TRDN: variants seen among roughly 807,000 people sequenced by gnomAD.
The protein encoded by TRDN is triadin.
A neutral mutation model predicts 149.7 loss-of-function variants in TRDN; 161 were observed. The observed-to-expected ratio is 1.08, with a 90% CI of 0.95 to 1.23. The LOEUF is 1.23. Among genes scored for constraint, TRDN ranks in the 50% most tolerant of loss-of-function variants. The pLI, the probability that TRDN is intolerant of heterozygous loss-of-function variation, is 0.00. For missense variants in TRDN, 896 were observed against 823.5 expected (o/e 1.09, Z -1.08); for synonymous variants, 294 against 250.5 (o/e 1.17, Z -1.64).
chr6:123,423,110 ATGT>A (rs1159905800), intron 12 of TRDN, among the ~76,000 whole-genome samples: 11 of 152,186 alleles, frequency 7.2e-5, no homozygotes, highest in African/African-American at 2.4e-4. Context: ...AGGAATAAAC[ATGT>A]TGTTAATTTT....
intron 10 of TRDN, among the ~76,000 whole-genome samples, chr6:123,461,542 T>C (rs1776447922): frequency 6.6e-6 from 1 of 152,140 alleles, no homozygotes; most frequent in South Asian, 2.1e-4. Context: ...AATAATTACA[T>C]GTGGGTGAAA....
At chr6:123,354,441 T>G (rs947067405) in intron 20 of TRDN, among the ~76,000 whole-genome samples, 18 of 151,844 alleles carry the variant, frequency 1.2e-4, no homozygotes, top group Admixed American at 2.0e-4. Context: ...ATCATCTCAC[T>G]TTCACAGGCA....
chr6:123,430,409 C>T (rs1042639418), intron 12 of TRDN, among the ~76,000 whole-genome samples: 5 of 150,238 alleles, frequency 3.3e-5, no homozygotes, highest in East Asian at 2.0e-4. Flanking sequence ...GGTGAAACCC[C>T]GTCTCTACTA....
rs1051430339 is a variant in TRDN, at chr6:123,282,604, G to T, written c.1511-3522C>A. Among the ~76,000 whole-genome samples, 4 of 151,870 alleles carry T rather than the reference G, an allele frequency of 2.6e-5. No homozygotes were observed. In the East Asian group the frequency reaches 5.8e-4, roughly 22 times the overall value. ...TGCGCTAAAGCCTATATATTATGTG[G>T]TTTAGAATTTTCATTGTAAAAGTAG... On this transcript the variant is annotated intron_variant, in intron 24 of 40. Coordinates refer to ENST00000334268, the MANE Select transcript of TRDN (RefSeq NM_006073.4).
chr6:123,459,992 A>G (rs1189959575), intron 10 of TRDN, among the ~76,000 whole-genome samples: 4 of 152,200 alleles, frequency 2.6e-5, no homozygotes, highest in Non-Finnish European at 5.9e-5. Flanking sequence ...GAAAAGTAGC[A>G]TAAGTTTTCC....
intron 38 of TRDN, among the ~76,000 whole-genome samples, chr6:123,238,638 TTAAAAC>T (rs1775877136): frequency 6.6e-6 from 1 of 152,124 alleles, no homozygotes; most frequent in Non-Finnish European, 1.5e-5. Context: ...GTCCATCAGA[TTAAAAC>T]TAAAGATCAT....
rs932636205 is a variant in TRDN at position 123,266,999 on chromosome 6, C to T, written c.1783+708G>A. On this transcript the variant is annotated intron_variant, in intron 32 of 40. Coordinates refer to ENST00000334268, the MANE Select transcript of TRDN (RefSeq NM_006073.4). ...GCAGGAGCCTGTAGTCCCAGCTACT[C>T]GGGAGGCTGAGGTAGGAGAATGGTG... Among the ~76,000 whole-genome samples, 10 of 142,490 alleles carry T rather than the reference C, an allele frequency of 7.0e-5. No homozygotes were observed. The South Asian group carries it at 1.1e-3, about 16-fold the overall frequency. The allele number at this position is 142,490 out of a possible 152,430, so 93.5% of individuals were successfully genotyped here.
In TRDN at chr6:123,636,944, C is replaced by T. The variant is rs756979447; in HGVS notation, c.-169G>A. On this transcript the variant is annotated 5_prime_UTR_variant, in exon 1 of 41. Coordinates refer to ENST00000334268, the MANE Select transcript of TRDN (RefSeq NM_006073.4). Reference sequence around the variant, plus strand: ...TTTGTTGTCCTGTTGAACTTTGCCTCTCCTCTGCAGAGTTCTCCCCCTGGA... The same window carrying T: ...TTTGTTGTCCTGTTGAACTTTGCCTTTCCTCTGCAGAGTTCTCCCCCTGGA... 1 of 712,654 alleles carries T rather than the reference C, an allele frequency of 1.4e-6. No individual in the cohort carries two copies. Among genetic ancestry groups the T allele is most frequent in the Non-Finnish European group, 2.4e-6 (1 of 419,326 alleles). 44.1% of individuals were successfully genotyped at this position (712,654 alleles called of 1,614,324 possible).
At chr6:123,586,806 G>C (rs1160256248) in intron 1 of TRDN, among the ~76,000 whole-genome samples, 1 of 151,908 alleles carries the variant, frequency 6.6e-6, no homozygotes, top group Non-Finnish European at 1.5e-5. Flanking sequence ...AGACATGGAG[G>C]GAAGGGGTTT....
At chr6:123,295,994 G>A (rs1778179265) in intron 24 of TRDN, among the ~76,000 whole-genome samples, 1 of 151,690 alleles carries the variant, frequency 6.6e-6, no homozygotes, top group Admixed American at 6.6e-5. Flanking sequence ...ATGAATGAAT[G>A]GCAAATTAAA....
chr6:123,440,479 T>C (rs1160750898), intron 10 of TRDN, among the ~76,000 whole-genome samples: 1 of 152,236 alleles, frequency 6.6e-6, no homozygotes, highest in African/African-American at 2.4e-5. Flanking sequence ...AGAAATTTTA[T>C]GTAGTAGTGA....
At chr6:123,636,174 T>A (rs952981659) in intron 1 of TRDN, among the ~76,000 whole-genome samples, 1 of 151,912 alleles carries the variant, frequency 6.6e-6, no homozygotes, top group African/African-American at 2.4e-5. Context: ...CCATTAATGG[T>A]CAAATAAATA....
intron 4 of TRDN, among the ~76,000 whole-genome samples, chr6:123,531,526 C>CT (rs1304996308): frequency 1.3e-5 from 2 of 152,070 alleles, no homozygotes; most frequent in Admixed American, 6.6e-5. Flanking sequence ...AGCTTTCATT[C>CT]ACCTGTTAAG....
At chr6:123,369,426 A>G (rs1165561825) in intron 19 of TRDN, among the ~76,000 whole-genome samples, 1 of 152,048 alleles carries the variant, frequency 6.6e-6, no homozygotes, top group Non-Finnish European at 1.5e-5. Context: ...CAAAACACCA[A>G]ATGTACTTTA....
intron 7 of TRDN, among the ~76,000 whole-genome samples, chr6:123,507,424 T>C (rs559133721): frequency 8.5e-5 from 13 of 152,208 alleles, no homozygotes; most frequent in Admixed American, 1.3e-4. Context: ...ATAAAATATT[T>C]TCTACTATTT....
intron 4 of TRDN, among the ~76,000 whole-genome samples, chr6:123,538,796 CTAATCTCA>C (rs1226393627): frequency 1.3e-5 from 2 of 152,072 alleles, no homozygotes; most frequent in Non-Finnish European, 2.9e-5. Flanking sequence ...TGATATCTAC[CTAATCTCA>C]TTTTTGCCAT....
rs961992282 is a variant in TRDN at position 123,623,491 on chromosome 6, G to A, written c.22+13263C>T. 4.6e-5 allele frequency among the ~76,000 whole-genome samples: 7 copies of A among 152,020 alleles called. 1 individual carries two copies. The highest frequency in any genetic ancestry group is 7.2e-5 in the African/African-American group (3 of 41,512). On this transcript the variant is annotated intron_variant, in intron 1 of 40. Transcript: ENST00000334268. ...AAATTATGGTGAGAGGTGCTACTGG[G>A]TACTAATTATTTTGCAATCTTTAGG...
chr6:123,395,357 G>C (rs1339557813), intron 12 of TRDN, among the ~76,000 whole-genome samples: 1 of 152,022 alleles, frequency 6.6e-6, no homozygotes, highest in Non-Finnish European at 1.5e-5. Flanking sequence ...AGACTGTTTG[G>C]TTTCTCTGTC....
chr6:123,438,018 C>T, intron 12 of TRDN, 45 bp downstream of exon 12: 1 of 1,501,210 alleles, frequency 6.7e-7, no homozygotes, highest in Non-Finnish European at 9.2e-7. Context: ...ATGAAGCAAA[C>T]ATCCTGAACG....
Sources: allele counts gnomAD v4.1 joint callset (sites outside exome capture counted in the v4.1 genomes callset), GRCh38; gene constraint gnomAD v4.1.1; transcripts MANE v1.5; gene names NCBI Gene and HGNC (gene_info 2026-07-23, HGNC 2026-07-21).